Variants in MSI2 observed in about 807,000 individuals in gnomAD.
MSI2 encodes the protein musashi RNA binding protein 2.
A neutral mutation model predicts 45.6 loss-of-function variants in MSI2; 17 were observed. That is an observed-to-expected ratio of 0.37 (90% confidence interval 0.26 to 0.56). MSI2 has a LOEUF of 0.56. Ranked by LOEUF, MSI2 falls within the 20% of genes least tolerant of loss-of-function variation. The probability of loss-of-function intolerance (pLI) is 0.77; values close to 1 mark genes in which losing one functional copy is unlikely to be tolerated. For missense variants in MSI2, 293 were observed against 444.2 expected (o/e 0.66, Z 3.06); for synonymous variants, 156 against 158.2 (o/e 0.99, Z 0.11).
intron 7 of MSI2, among the ~76,000 whole-genome samples, chr17:57,551,840 C>T (rs2087313912): frequency 6.6e-6 from 1 of 152,126 alleles, no homozygotes; most frequent in South Asian, 2.1e-4. Context: ...CAAGGATTGA[C>T]TAGAGGTGAT....
intron 8 of MSI2, among the ~76,000 whole-genome samples, chr17:57,598,196 AG>A (rs1423376127): frequency 1.9e-4 from 29 of 152,358 alleles, no homozygotes; most frequent in African/African-American, 7.0e-4. Flanking sequence ...TCAAGAGAAG[AG>A]GGAGGGCAAA....
chr17:57,366,445 G>T (rs1236969880), intron 5 of MSI2, among the ~76,000 whole-genome samples: 4 of 152,196 alleles, frequency 2.6e-5, no homozygotes, highest in Non-Finnish European at 5.9e-5. Context: ...ACCACATGCT[G>T]CTCTTAAATT....
chr17:57,534,672 G>A (rs1209389673), intron 7 of MSI2, among the ~76,000 whole-genome samples: 5 of 152,156 alleles, frequency 3.3e-5, no homozygotes, highest in Non-Finnish European at 5.9e-5. Flanking sequence ...CCGAGATGGC[G>A]CCATTGCACT....
At chr17:57,583,663 G>A (rs1267408664) in intron 7 of MSI2, among the ~76,000 whole-genome samples, 1 of 151,986 alleles carries the variant, frequency 6.6e-6, no homozygotes, top group Non-Finnish European at 1.5e-5. Flanking sequence ...TTGTAGAGAT[G>A]TGGTTTCACT....
chr17:57,353,460 T>A (rs1598159979), intron 5 of MSI2, among the ~76,000 whole-genome samples: 1 of 152,224 alleles, frequency 6.6e-6, no homozygotes, highest in East Asian at 1.9e-4. Flanking sequence ...GGTGCACTGA[T>A]ACATGGTTCA....
intron 5 of MSI2, among the ~76,000 whole-genome samples, chr17:57,360,720 A>G (rs1302363738): frequency 6.6e-6 from 1 of 152,270 alleles, no homozygotes; most frequent in African/African-American, 2.4e-5. Context: ...AGAAATTTTT[A>G]GAATATGGGA....
At chr17:57,501,242 G>A (rs2086100302) in intron 6 of MSI2, among the ~76,000 whole-genome samples, 1 of 152,198 alleles carries the variant, frequency 6.6e-6, no homozygotes, top group Non-Finnish European at 1.5e-5. Context: ...GCTGACCACT[G>A]CAGGGCCTTA....
At chr17:57,442,761 C>T (rs1748092520) in intron 6 of MSI2, among the ~76,000 whole-genome samples, 1 of 152,204 alleles carries the variant, frequency 6.6e-6, no homozygotes, top group Admixed American at 6.5e-5. Context: ...CTCTTCCTTT[C>T]TTCCTGACAG....
At chr17:57,622,604 T>C (rs1027408906) in intron 9 of MSI2, among the ~76,000 whole-genome samples, 4 of 152,062 alleles carry the variant, frequency 2.6e-5, no homozygotes, top group African/African-American at 9.7e-5. Context: ...AAGCCCCGCG[T>C]GAAGTCCTGA....
At chr17:57,468,770 C>G (rs1468845360) in intron 6 of MSI2, among the ~76,000 whole-genome samples, 8 of 152,020 alleles carry the variant, frequency 5.3e-5, no homozygotes, top group Non-Finnish European at 1.2e-4. Context: ...GTCTCTTGGG[C>G]CTCATCCGGG....
intron 6 of MSI2, among the ~76,000 whole-genome samples, chr17:57,506,590 G>A (rs1313540820): frequency 6.6e-6 from 1 of 152,182 alleles, no homozygotes; most frequent in Non-Finnish European, 1.5e-5. Flanking sequence ...TGTCTTGGCA[G>A]GTCTTCCCCT....
chr17:57,582,807 A>G (rs1390809573), intron 7 of MSI2, among the ~76,000 whole-genome samples: 2 of 152,172 alleles, frequency 1.3e-5, no homozygotes, highest in African/African-American at 4.8e-5. Flanking sequence ...AATCCACTGA[A>G]ATGTTCATGT....
chr17:57,259,826 G>A (rs1907143898), intron 4 of MSI2, among the ~76,000 whole-genome samples: 1 of 152,208 alleles, frequency 6.6e-6, no homozygotes, highest in African/African-American at 2.4e-5. Context: ...CTGGGTGGGA[G>A]AAACAGTATT....
At chr17:57,333,725 G>C (rs1449182953) in intron 5 of MSI2, among the ~76,000 whole-genome samples, 1 of 151,842 alleles carries the variant, frequency 6.6e-6, no homozygotes, top group Non-Finnish European at 1.5e-5. Context: ...TTATAGGCAT[G>C]AGCCACTGTG....
At position 57,679,688 on chromosome 17, in the gene MSI2, T is replaced by A; in HGVS notation, c.*171T>A. On this transcript the variant is annotated 3_prime_UTR_variant, in exon 14 of 14. Coordinates refer to ENST00000284073, the MANE Select transcript of MSI2 (RefSeq NM_138962.4). ...GGCTCACTTCGGATCGAGGGTTGAC[T>A]ACATCTCATCATCTCACGAATCTGC... The A allele has an allele frequency of 1.2e-6, 1 of 801,580 alleles. No individual in the cohort carries two copies. The highest frequency in any genetic ancestry group is 1.6e-6 in the Non-Finnish European group (1 of 637,846). 49.7% of individuals were successfully genotyped at this position (801,580 alleles called of 1,614,324 possible).
intron 11 of MSI2, among the ~76,000 whole-genome samples, chr17:57,653,759 C>T (rs575653615): frequency 1.3e-5 from 2 of 152,204 alleles, no homozygotes; most frequent in Admixed American, 1.3e-4. Flanking sequence ...CCACCCCGTT[C>T]TCCTTGACTT....
chr17:57,507,223 CTCTGTGTGTGTGTGTGTGTGTGTGTG>C lies in MSI2; in HGVS notation c.406-22451_406-22426del, dbSNP rs1193829481. Reference sequence around the variant, plus strand: ...TTCCCATTGGTTTTTGTCTTTGTCTCTCTGTGTGTGTGTGTGTGTGTGTGTGTGTGTGTGTGTGTGTGTGTGTGTGT... The same window carrying C: ...TTCCCATTGGTTTTTGTCTTTGTCTCTGTGTGTGTGTGTGTGTGTGTGTGT... On this transcript the variant is annotated intron_variant, in intron 6 of 13. Transcript: ENST00000284073. Among the ~76,000 whole-genome samples, 118 of 109,888 alleles carry C rather than the reference CTCTGTGTGTGTGTGTGTGTGTGTGTG, an allele frequency of 1.1e-3. 2 individuals are homozygous for C. In the East Asian group the frequency reaches 0.014, roughly 13 times the overall value. The allele number at this position is 109,888 out of a possible 152,430, so 72.1% of individuals were successfully genotyped here.
chr17:57,424,285 G>A (rs900253161), intron 6 of MSI2, among the ~76,000 whole-genome samples: 5 of 152,226 alleles, frequency 3.3e-5, no homozygotes, highest in Non-Finnish European at 7.3e-5. Context: ...TCTGGGATGA[G>A]GAGGGAAAAA....
At chr17:57,699,188 T>A in the MSI2 span, among the ~76,000 whole-genome samples, 111 of 88,106 alleles carry the variant, frequency 1.3e-3, no homozygotes, top group East Asian at 5.0e-3. Context: ...AGAGAGTGTG[T>A]GTGTGTGTGT....
Sources: gnomAD v4.1 joint callset for allele counts (sites outside exome capture counted in the v4.1 genomes callset) on GRCh38, gnomAD v4.1.1 for gene constraint, MANE v1.5 for transcripts, NCBI Gene and HGNC (gene_info 2026-07-23, HGNC 2026-07-21) for gene names.